The following CLMP variants were observed in gnomAD, a reference collection of about 807,000 sequenced individuals.
CLMP encodes the protein CXADR-like membrane protein.
CLMP carries 27 observed loss-of-function variants against 45.2 expected under a neutral mutation model. That is an observed-to-expected ratio of 0.60 (90% CI 0.44 to 0.82). The LOEUF is 0.82. Ranked by LOEUF, CLMP falls within the 40% of genes least tolerant of loss-of-function variation. The pLI is 0.00. For missense variants in CLMP, 403 were observed against 448.4 expected, an observed-to-expected ratio of 0.90 and a Z score of 0.91; for synonymous variants, 167 against 171.4, an observed-to-expected ratio of 0.97 and a Z score of 0.20.
chr11:123,137,642 C>T lies in CLMP; in HGVS notation c.29-39690G>A, dbSNP rs543390937. Among the ~76,000 whole-genome samples the T allele has an allele frequency of 5.5e-4, 83 of 152,168 alleles. No homozygotes were observed. In the Middle Eastern group the frequency reaches 0.01, roughly 19 times the overall value. ...GCTGCCTGCAGCCTGTCGCCTGGGGCTGCCCTGATATTTCCGGAATTTTAT... is the reference window on the plus strand; with the variant it reads ...GCTGCCTGCAGCCTGTCGCCTGGGGTTGCCCTGATATTTCCGGAATTTTAT... On this transcript the variant is annotated intron_variant, in intron 1 of 6. Transcript: ENST00000448775.
intron 1 of CLMP, among the ~76,000 whole-genome samples, chr11:123,190,092 T>G (rs1861888761): frequency 6.6e-6 from 1 of 152,048 alleles, no homozygotes; most frequent in South Asian, 2.1e-4. Context: ...TAGGTGTCCA[T>G]GCTTGAGGCT....
At chr11:123,154,269 T>G (rs1241723084) in intron 1 of CLMP, among the ~76,000 whole-genome samples, 1 of 152,066 alleles carries the variant, frequency 6.6e-6, no homozygotes, top group African/African-American at 2.4e-5. Flanking sequence ...TACTCGTCAA[T>G]GAGAAGCTGG....
intron 2 of CLMP, among the ~76,000 whole-genome samples, chr11:123,097,033 G>T (rs545236253): frequency 2.1e-4 from 32 of 151,942 alleles, no homozygotes; most frequent in Middle Eastern, 6.8e-3. Context: ...AATTTTTTTG[G>T]TACAGAGGGA....
At chr11:123,168,110 G>GCT (rs1861582631) in intron 1 of CLMP, among the ~76,000 whole-genome samples, 1 of 152,182 alleles carries the variant, frequency 6.6e-6, no homozygotes, top group Non-Finnish European at 1.5e-5. Context: ...AAGAATCTGA[G>GCT]CTGAAAAGCA....
In CLMP at chr11:123,177,931, C is replaced by T. The variant is rs192148590; in HGVS notation, c.28+16982G>A. On this transcript the variant is annotated intron_variant, in intron 1 of 6. Transcript: ENST00000448775. ...AGTCTGGAGTGCAGTGGCACGATCT[C>T]GGCTCACTGCAACCTCCGCCTCCCG... Among the ~76,000 whole-genome samples the T allele has an allele frequency of 1.9e-3, 294 of 152,252 alleles. 1 individual carries two copies. The highest frequency in any genetic ancestry group is 6.9e-3 in the African/African-American group (285 of 41,508).
chr11:123,075,188 A>T lies in CLMP; in HGVS notation c.680-345T>A, dbSNP rs550994018. On this transcript the variant is annotated intron_variant, in intron 5 of 6. Transcript: ENST00000448775. ...AGGCTGGTCGCAAACTCCCGACCTC[A>T]GGTGATCCACCAGACTCAGCCTCCG... is the stretch of plus-strand genomic sequence containing the variant. Among the ~76,000 whole-genome samples, 7 of 152,056 alleles carry T rather than the reference A, an allele frequency of 4.6e-5. No individual in the cohort carries two copies. The South Asian group carries it at 1.0e-3, about 23-fold the overall frequency.
At position 123,150,416 on chromosome 11, in the gene CLMP, TAAGAAAGAAAGA is replaced by T. The variant is rs1166159977; in HGVS notation, c.28+44485_28+44496del. Among the ~76,000 whole-genome samples, 138 of 30,926 alleles carry T rather than the reference TAAGAAAGAAAGA, an allele frequency of 4.5e-3. 2 individuals carry two copies. Among genetic ancestry groups the T allele is most frequent in the African/African-American group, 7.6e-3 (55 of 7,258 alleles). 20.3% of individuals were successfully genotyped at this position (30,926 alleles called of 152,430 possible). On this transcript the variant is annotated intron_variant, in intron 1 of 6. Coordinates refer to ENST00000448775, the MANE Select transcript of CLMP (RefSeq NM_024769.5). ...AGATGAACAAAAGAAGGAAGGAAGG[TAAGAAAGAAAGA>T]AAGAAAGAAAGAAAGAAAGAAAGAA...
At position 123,104,881 on chromosome 11, in the gene CLMP, G is replaced by A. The variant is rs553137041; in HGVS notation, c.29-6929C>T. Among the ~76,000 whole-genome samples, 3 of 152,324 alleles carry A rather than the reference G, an allele frequency of 2.0e-5. No individual in the cohort carries two copies. In the East Asian group the frequency reaches 5.8e-4, roughly 29 times the overall value. On this transcript the variant is annotated intron_variant, in intron 1 of 6. Coordinates refer to ENST00000448775, the MANE Select transcript of CLMP (RefSeq NM_024769.5). The stretch of plus-strand genomic sequence containing the variant: ...ACTTATGAGGAGATTGCACCCCAGA[G>A]AATTGAGATGTCACGTCACAAAACT...
intron 1 of CLMP, among the ~76,000 whole-genome samples, chr11:123,146,635 A>C (rs7927861): frequency 0.44 from 66,229 of 151,780 alleles, 15,951 homozygotes; most frequent in African/African-American, 0.65. Context: ...CCTTCCTGCT[A>C]CCTGCCATTG....
chr11:123,089,095 A>G (rs1031010295), intron 2 of CLMP, among the ~76,000 whole-genome samples: 1 of 152,210 alleles, frequency 6.6e-6, no homozygotes, highest in Non-Finnish European at 1.5e-5. Context: ...TCACATTAAG[A>G]AATACATTTT....
rs201039459 is a variant in CLMP at position 123,086,057 on chromosome 11, G to A, written c.187-1344C>T. On this transcript the variant is annotated intron_variant, in intron 2 of 6. Transcript: ENST00000448775. ...CTCCCAAAGTGCTGGGATTACAGGT[G>A]TGAGCCACTGCGCCTGGCCCTAATT... Among the ~76,000 whole-genome samples, 15 of 152,196 alleles carry A rather than the reference G, an allele frequency of 9.9e-5. No individual in the cohort carries two copies. In the East Asian group the frequency reaches 2.5e-3, roughly 26 times the overall value.
In CLMP at chr11:123,073,320, G is replaced by A; in HGVS notation, c.*154C>T. The A allele has an allele frequency of 1.2e-6, 1 of 842,788 alleles. No individual in the cohort carries two copies. The highest frequency in any genetic ancestry group is 1.8e-6 in the Non-Finnish European group (1 of 542,670). 52.2% of individuals were successfully genotyped at this position (842,788 alleles called of 1,614,324 possible). ...CTTTTGCTTGTTTGGTATTGTATAAGGAAAATGCTCATCTGAATCTGTTCC... is the reference window on the plus strand; with the variant it reads ...CTTTTGCTTGTTTGGTATTGTATAAAGAAAATGCTCATCTGAATCTGTTCC... On this transcript the variant is annotated 3_prime_UTR_variant, in exon 7 of 7. Coordinates refer to ENST00000448775, the MANE Select transcript of CLMP (RefSeq NM_024769.5).
At chr11:123,082,020 C>T (rs903738239) in intron 5 of CLMP, among the ~76,000 whole-genome samples, 4 of 152,166 alleles carry the variant, frequency 2.6e-5, no homozygotes, top group Non-Finnish European at 4.4e-5. Context: ...TGCTCTTAGT[C>T]GCCTACTACT....
intron 1 of CLMP, among the ~76,000 whole-genome samples, chr11:123,117,739 C>T (rs796800501): frequency 1.3e-5 from 2 of 152,190 alleles, no homozygotes; most frequent in African/African-American, 4.8e-5. Flanking sequence ...GACCTTTCAT[C>T]CGCTATAAAT....
chr11:123,162,827 G>A (rs1328139729), intron 1 of CLMP, among the ~76,000 whole-genome samples: 7 of 151,760 alleles, frequency 4.6e-5, no homozygotes, highest in East Asian at 1.9e-4. Flanking sequence ...ACTTGAGCCC[G>A]GGAGGCTCAA....
At chr11:123,154,719 T>A (rs1234794487) in intron 1 of CLMP, among the ~76,000 whole-genome samples, 1 of 152,156 alleles carries the variant, frequency 6.6e-6, no homozygotes. Flanking sequence ...TCCCCCTCAT[T>A]TTTCTGGGTC....
chr11:123,104,427 C>T (rs1457000545), intron 1 of CLMP, among the ~76,000 whole-genome samples: 1 of 151,008 alleles, frequency 6.6e-6, no homozygotes, highest in African/African-American at 2.4e-5. Context: ...CCCTGTTGCT[C>T]AGGCTGGAAT....
At chr11:123,105,375 C>A (rs1031851566) in intron 1 of CLMP, among the ~76,000 whole-genome samples, 1 of 110,124 alleles carries the variant, frequency 9.1e-6, no homozygotes, top group African/African-American at 3.3e-5. Flanking sequence ...CTCCCTCCCT[C>A]CCTCCCTCCC....
chr11:123,090,453 G>T (rs1005933905), intron 2 of CLMP, among the ~76,000 whole-genome samples: 3 of 151,852 alleles, frequency 2.0e-5, no homozygotes, highest in African/African-American at 7.3e-5. Flanking sequence ...GTGCCAGGCC[G>T]CAGTGATTGG....
Sources: gnomAD v4.1 joint callset for allele counts (sites outside exome capture counted in the v4.1 genomes callset) on GRCh38, gnomAD v4.1.1 for gene constraint, MANE v1.5 for transcripts, NCBI Gene and HGNC (gene_info 2026-07-23, HGNC 2026-07-21) for gene names.